Variants in SEMA5A observed in about 807,000 individuals in gnomAD.
SEMA5A encodes the protein semaphorin-5A.
A neutral mutation model predicts 135.5 loss-of-function variants in SEMA5A; 55 were observed. That is an observed-to-expected ratio of 0.41 (90% CI 0.33 to 0.51). The LOEUF (loss-of-function observed/expected upper bound fraction) is 0.51. Ranked by LOEUF, SEMA5A falls within the 20% of genes least tolerant of loss-of-function variation. SEMA5A has a pLI of 0.37. For missense variants in SEMA5A, 1,290 were observed against 1,419.9 expected, an observed-to-expected ratio of 0.91 and a Z score of 1.47; for synonymous variants, 580 against 546.5, an observed-to-expected ratio of 1.06 and a Z score of -0.85.
chr5:9,531,657 G>A (rs1334833878), intron 1 of SEMA5A, among the ~76,000 whole-genome samples: 2 of 152,160 alleles, frequency 1.3e-5, no homozygotes, highest in Admixed American at 1.3e-4. Flanking sequence ...AGGTCCTTGA[G>A]GCACGCTGGC....
intron 11 of SEMA5A, among the ~76,000 whole-genome samples, chr5:9,180,657 A>G (rs1272358970): frequency 6.6e-6 from 1 of 152,192 alleles, no homozygotes; most frequent in East Asian, 1.9e-4. Context: ...GGTACCCAGA[A>G]GGGTATCCTT....
chr5:9,461,944 A>T (rs1387955708), intron 1 of SEMA5A, among the ~76,000 whole-genome samples: 1 of 152,180 alleles, frequency 6.6e-6, no homozygotes, highest in African/African-American at 2.4e-5. Flanking sequence ...TAGCCAGAAA[A>T]AATCAGGGAT....
chr5:9,530,260 C>T (rs1246844063), intron 1 of SEMA5A, among the ~76,000 whole-genome samples: 3 of 152,182 alleles, frequency 2.0e-5, no homozygotes, highest in Admixed American at 6.5e-5. Flanking sequence ...AAAAAATGTG[C>T]TTACACATGG....
At chr5:9,439,292 G>C (rs1330377397) in intron 1 of SEMA5A, among the ~76,000 whole-genome samples, 1 of 152,112 alleles carries the variant, frequency 6.6e-6, no homozygotes, top group Non-Finnish European at 1.5e-5. Context: ...ATCACCTTTG[G>C]GCGTGGCAAC....
At chr5:9,394,348 G>A (rs1756296110) in intron 2 of SEMA5A, among the ~76,000 whole-genome samples, 1 of 152,102 alleles carries the variant, frequency 6.6e-6, no homozygotes, top group Non-Finnish European at 1.5e-5. Flanking sequence ...GAGAAGCAAG[G>A]AAGCCTCCAG....
chr5:9,166,361 C>T (rs961437886), intron 11 of SEMA5A, among the ~76,000 whole-genome samples: 2 of 152,092 alleles, frequency 1.3e-5, no homozygotes, highest in African/African-American at 4.8e-5. Flanking sequence ...TGTGACCGAG[C>T]GCAGATCCCT....
intron 5 of SEMA5A, among the ~76,000 whole-genome samples, chr5:9,254,852 A>G (rs1034439495): frequency 4.6e-5 from 7 of 152,186 alleles, no homozygotes; most frequent in African/African-American, 1.7e-4. Flanking sequence ...TGAGGATAGA[A>G]TACAATTAAT....
intron 1 of SEMA5A, among the ~76,000 whole-genome samples, chr5:9,497,078 A>G (rs577559344): frequency 6.6e-6 from 1 of 152,326 alleles, no homozygotes; most frequent in East Asian, 1.9e-4. Context: ...AGAGTATCAC[A>G]TGGTAGCATT....
At chr5:9,315,654 G>T (rs1417030282) in intron 5 of SEMA5A, among the ~76,000 whole-genome samples, 1 of 152,116 alleles carries the variant, frequency 6.6e-6, no homozygotes, top group African/African-American at 2.4e-5. Context: ...ATGTCCCTCA[G>T]TGTATCTGAT....
intron 3 of SEMA5A, among the ~76,000 whole-genome samples, chr5:9,359,303 G>T (rs1055425532): frequency 1.3e-5 from 2 of 152,174 alleles, no homozygotes; most frequent in African/African-American, 2.4e-5. Flanking sequence ...CATAAAAGGG[G>T]AAAAATAGTC....
rs890074690 is a variant in SEMA5A at position 9,459,524 on chromosome 5, G to T, written c.-174-21672C>A. Reference sequence around the variant, plus strand: ...CTACAACCACAAGGAAACAAATTCTGCCTACAGCCCAAGTGAACCCTGAAG... The same window carrying T: ...CTACAACCACAAGGAAACAAATTCTTCCTACAGCCCAAGTGAACCCTGAAG... On this transcript the variant is annotated intron_variant, in intron 1 of 22. Coordinates refer to ENST00000382496, the MANE Select transcript of SEMA5A (RefSeq NM_003966.3). 3.9e-5 allele frequency among the ~76,000 whole-genome samples: 6 copies of T among 152,154 alleles called. No individual in the cohort carries two copies. The South Asian group carries it at 8.3e-4, about 21-fold the overall frequency.
At chr5:9,169,421 T>C (rs1456033837) in intron 11 of SEMA5A, among the ~76,000 whole-genome samples, 1 of 152,198 alleles carries the variant, frequency 6.6e-6, no homozygotes, top group Non-Finnish European at 1.5e-5. Context: ...GTAATACATA[T>C]ATAATGAGTT....
At chr5:9,406,469 GA>G (rs1756891526) in intron 2 of SEMA5A, among the ~76,000 whole-genome samples, 2 of 152,098 alleles carry the variant, frequency 1.3e-5, no homozygotes, top group Admixed American at 1.3e-4. Flanking sequence ...TCTGCTTTGG[GA>G]AAAAACCAGC....
chr5:9,051,410 G>A (rs1736568835), intron 20 of SEMA5A, among the ~76,000 whole-genome samples: 1 of 152,216 alleles, frequency 6.6e-6, no homozygotes, highest in Non-Finnish European at 1.5e-5. Flanking sequence ...CTGGTTGAAT[G>A]AGGGCCAACC....
At chr5:9,162,430 G>GTA (rs1172380682) in intron 11 of SEMA5A, among the ~76,000 whole-genome samples, 1 of 147,408 alleles carries the variant, frequency 6.8e-6, no homozygotes. Flanking sequence ...GTATATATAT[G>GTA]TATATATATG....
Position 9,244,113 on chromosome 5 carries a change from C to A in SEMA5A, c.271-6223G>T, listed in dbSNP as rs1364838208. 5.9e-5 allele frequency among the ~76,000 whole-genome samples: 9 copies of A among 152,114 alleles called. No homozygotes were observed. In the East Asian group the frequency reaches 1.7e-3, roughly 29 times the overall value. On this transcript the variant is annotated intron_variant, in intron 5 of 22. Transcript: ENST00000382496. ...AACTCTAAAGTCAAGAAAGGTGCAG[C>A]CAGGGTATGATATAAGAATCTTGGG...
intron 15 of SEMA5A, among the ~76,000 whole-genome samples, chr5:9,109,027 A>ATTTTTT (rs1305606521): frequency 2.8e-4 from 33 of 118,942 alleles, no homozygotes; most frequent in East Asian, 1.6e-3. Flanking sequence ...ATTTCTCTTC[A>ATTTTTT]ATTTTTTTTT....
At chr5:9,497,274 AT>A (rs1382703810) in intron 1 of SEMA5A, among the ~76,000 whole-genome samples, 13 of 152,180 alleles carry the variant, frequency 8.5e-5, no homozygotes, top group Non-Finnish European at 1.5e-4. Flanking sequence ...AAGCATCACC[AT>A]TGTTCATCTT....
At chr5:9,302,117 T>C (rs1444076855) in intron 5 of SEMA5A, among the ~76,000 whole-genome samples, 1 of 152,156 alleles carries the variant, frequency 6.6e-6, no homozygotes, top group Non-Finnish European at 1.5e-5. Context: ...TTCTTCTGCA[T>C]CTCTCTTCTA....
Sources: allele counts gnomAD v4.1 joint callset (sites outside exome capture counted in the v4.1 genomes callset), GRCh38; gene constraint gnomAD v4.1.1; transcripts MANE v1.5; gene names NCBI Gene and HGNC (gene_info 2026-07-23, HGNC 2026-07-21).